Variants in TMEM45B observed in about 807,000 individuals in gnomAD.
TMEM45B encodes transmembrane protein 45B.
A neutral mutation model predicts 27.3 loss-of-function variants in TMEM45B; 29 were observed. That is an observed-to-expected ratio of 1.06 (90% CI 0.79 to 1.45). TMEM45B has a LOEUF of 1.45. TMEM45B is among the 40% of genes most tolerant of loss of function. The probability of loss-of-function intolerance (pLI) is 0.00; values close to 1 mark genes in which losing one functional copy is unlikely to be tolerated. For synonymous variants in TMEM45B, 143 were observed against 134.7 expected, an observed-to-expected ratio of 1.06 and a Z score of -0.43; for missense variants, 348 against 343.9, an observed-to-expected ratio of 1.01 and a Z score of -0.09.
Position 129,826,567 on chromosome 11 carries a change from A to AT in TMEM45B, c.-9+10669_-9+10670insT, listed in dbSNP as rs1555069265. On this transcript the variant is annotated intron_variant, in intron 1 of 5. Transcript: ENST00000281441. ...CTGTCACAAAAAAAAAAAAAAAAAA[A>AT]AGGACCCTGAGAGGCTATGTGTCTT... is the stretch of plus-strand genomic sequence containing the variant. 1.5e-4 allele frequency among the ~76,000 whole-genome samples: 14 copies of AT among 96,122 alleles called. 2 individuals are homozygous for AT. The highest frequency in any genetic ancestry group is 3.8e-4 in the South Asian group (1 of 2,630). 63.1% of individuals were successfully genotyped at this position (96,122 alleles called of 152,430 possible).
chr11:129,830,420 C>T lies in TMEM45B; in HGVS notation c.-9+14522C>T, dbSNP rs189584248. Among the ~76,000 whole-genome samples the T allele has an allele frequency of 4.0e-3, 611 of 152,174 alleles. 4 individuals carry two copies. The highest frequency in any genetic ancestry group is 0.014 in the African/African-American group (587 of 41,510). Reference sequence around the variant, plus strand: ...AAAACATAGAAGTGAGTTTTCTGACCTTTGGTTAAGCAGTGGTTTCTTGGA... The same window carrying T: ...AAAACATAGAAGTGAGTTTTCTGACTTTTGGTTAAGCAGTGGTTTCTTGGA... On this transcript the variant is annotated intron_variant, in intron 1 of 5. Coordinates refer to ENST00000281441, the MANE Select transcript of TMEM45B (RefSeq NM_138788.5).
At chr11:129,836,254 C>T (rs983057052) in intron 1 of TMEM45B, among the ~76,000 whole-genome samples, 5 of 149,586 alleles carry the variant, frequency 3.3e-5, no homozygotes, top group African/African-American at 1.2e-4. Context: ...GTTTGGGAAG[C>T]AGATAATTTC....
intron 1 of TMEM45B, among the ~76,000 whole-genome samples, chr11:129,839,700 C>A (rs1331591324): frequency 6.6e-6 from 1 of 152,006 alleles, no homozygotes; most frequent in Admixed American, 6.6e-5. Flanking sequence ...CTTCCATGCC[C>A]AGGTAATTTA....
At chr11:129,851,724 C>T (rs1201347195) in intron 1 of TMEM45B, among the ~76,000 whole-genome samples, 1 of 151,956 alleles carries the variant, frequency 6.6e-6, no homozygotes, top group Non-Finnish European at 1.5e-5. Context: ...CTGAATAAAT[C>T]CTAGCTATAG....
At chr11:129,849,377 T>C (rs1947812697) in intron 1 of TMEM45B, among the ~76,000 whole-genome samples, 1 of 152,206 alleles carries the variant, frequency 6.6e-6, no homozygotes, top group Non-Finnish European at 1.5e-5. Flanking sequence ...CATTAGATCT[T>C]AGGCTTGAGA....
chr11:129,827,755 C>T (rs918587892), intron 1 of TMEM45B, among the ~76,000 whole-genome samples: 1 of 151,946 alleles, frequency 6.6e-6, no homozygotes, highest in African/African-American at 2.4e-5. Context: ...TGAGCTGAGA[C>T]TGCACCATTG....
intron 1 of TMEM45B, among the ~76,000 whole-genome samples, chr11:129,837,777 CTTTTTT>C (rs1159669879): frequency 1.4e-5 from 1 of 69,024 alleles, no homozygotes; most frequent in Non-Finnish European, 2.5e-5. Flanking sequence ...AGGCTAGTTT[CTTTTTT>C]TTTTTTTTTT....
At position 129,857,279 on chromosome 11, in the gene TMEM45B, A is replaced by G. The variant is rs768564331; in HGVS notation, c.571-34A>G. 2.5e-6 allele frequency: 4 copies of G among 1,607,952 alleles called. No individual in the cohort carries two copies. The Admixed American group carries it at 6.7e-5, about 27-fold the overall frequency. ...GCTAGATTGCTTCTCAGGACGACCA[A>G]CCACAAGACCAACTTCTCTCTGTAA... On this transcript the variant is annotated intron_variant, in intron 4 of 5. Coordinates refer to ENST00000281441, the MANE Select transcript of TMEM45B (RefSeq NM_138788.5).
intron 4 of TMEM45B, among the ~76,000 whole-genome samples, chr11:129,856,758 ACC>A (rs1212162057): frequency 1.3e-5 from 2 of 150,320 alleles, no homozygotes; most frequent in African/African-American, 4.9e-5. Context: ...ATGGGGTTTC[ACC>A]GTGTTAGCCA....
intron 1 of TMEM45B, among the ~76,000 whole-genome samples, chr11:129,836,524 C>T (rs1246432178): frequency 6.6e-6 from 1 of 152,132 alleles, no homozygotes; most frequent in Non-Finnish European, 1.5e-5. Flanking sequence ...ATGTTGAAGT[C>T]TTATCTCCCA....
At chr11:129,844,520 T>A (rs1947733628) in intron 1 of TMEM45B, among the ~76,000 whole-genome samples, 1 of 152,096 alleles carries the variant, frequency 6.6e-6, no homozygotes, top group South Asian at 2.1e-4. Flanking sequence ...ACGTTGTCTC[T>A]ACAAAAAATT....
At chr11:129,845,649 A>G (rs919540922) in intron 1 of TMEM45B, among the ~76,000 whole-genome samples, 1 of 152,220 alleles carries the variant, frequency 6.6e-6, no homozygotes, top group African/African-American at 2.4e-5. Context: ...AACAAATAGC[A>G]AAATGACAAC....
chr11:129,815,869 C>T lies in TMEM45B; in HGVS notation c.-38C>T. 2 of 1,306,046 alleles carry T rather than the reference C, an allele frequency of 1.5e-6. No individual in the cohort carries two copies. Among genetic ancestry groups the T allele is most frequent in the Non-Finnish European group, 1.9e-6 (2 of 1,035,552 alleles). The allele number at this position is 1,306,046 out of a possible 1,614,324, so 80.9% of individuals were successfully genotyped here. A position where few individuals can be genotyped will look rare whatever the true frequency, so the allele number is the denominator to read the frequency against. On this transcript the variant is annotated 5_prime_UTR_variant, in exon 1 of 6. Transcript: ENST00000281441. ...GGACGCACTTGGCGCGCGGCGCGGG[C>T]TGCAGACGGCTGCGAGGCGCTGGGC... is the stretch of plus-strand genomic sequence containing the variant.
intron 1 of TMEM45B, among the ~76,000 whole-genome samples, chr11:129,836,384 G>A (rs1383710714): frequency 6.6e-6 from 1 of 152,206 alleles, no homozygotes; most frequent in African/African-American, 2.4e-5. Flanking sequence ...AACAGTTGAT[G>A]CTGATCTGGG....
At chr11:129,852,011 TACG>T (rs1201324350) in intron 1 of TMEM45B, among the ~76,000 whole-genome samples, 6 of 152,250 alleles carry the variant, frequency 3.9e-5, no homozygotes, top group African/African-American at 1.4e-4. Context: ...CCTATTCTTC[TACG>T]GTCTTTTTCT....
intron 1 of TMEM45B, among the ~76,000 whole-genome samples, chr11:129,822,121 A>G (rs1947426475): frequency 2.0e-5 from 3 of 152,190 alleles, no homozygotes. Flanking sequence ...CAATGCTATT[A>G]AATGTTTACA....
At chr11:129,852,927 C>T (rs1947869138) in intron 2 of TMEM45B, 1 of 326,754 alleles carries the variant, frequency 3.1e-6, no homozygotes, top group South Asian at 1.4e-4. Context: ...GAGCAAAACA[C>T]CCACTGTATG....
At chr11:129,837,585 C>CTTTTTTTTTTGTTTTTTTTTTTTTTTTT (rs1947637405) in intron 1 of TMEM45B, among the ~76,000 whole-genome samples, 1 of 80,294 alleles carries the variant, frequency 1.2e-5, no homozygotes, top group Non-Finnish European at 2.5e-5. Flanking sequence ...CTGCACTGGG[C>CTTTTTTTTTTGTTTTTTTTTTTTTTTTT]TTTTTTTTTT....
In TMEM45B at chr11:129,854,392, G is replaced by C. The variant is rs568841808; in HGVS notation, c.179-218G>C. 3.9e-5 allele frequency among the ~76,000 whole-genome samples: 6 copies of C among 152,180 alleles called. No homozygotes were observed. The South Asian group carries it at 1.2e-3, about 32-fold the overall frequency. ...TACCCTCAACCCCAAACCCCTAAAAGGAACAACAATGGCAAGATGTCTACA... is the reference window on the plus strand; with the variant it reads ...TACCCTCAACCCCAAACCCCTAAAACGAACAACAATGGCAAGATGTCTACA... On this transcript the variant is annotated intron_variant, in intron 2 of 5. Coordinates refer to ENST00000281441, the MANE Select transcript of TMEM45B (RefSeq NM_138788.5).
Sources: allele counts gnomAD v4.1 joint callset (sites outside exome capture counted in the v4.1 genomes callset), GRCh38; gene constraint gnomAD v4.1.1; transcripts MANE v1.5; gene names NCBI Gene and HGNC (gene_info 2026-07-23, HGNC 2026-07-21).